Variants in MOSPD2 observed in about 807,000 individuals in gnomAD.
MOSPD2 encodes motile sperm domain-containing protein 2.
In MOSPD2, 5 loss-of-function variants were observed where a neutral mutation model predicts 41.7. The observed-to-expected ratio is 0.12, with a 90% CI of 0.06 to 0.25. The LOEUF (loss-of-function observed/expected upper bound fraction) is 0.25. Among genes scored for constraint, MOSPD2 ranks in the 10% least tolerant of loss-of-function variants. The pLI is 1.00. For synonymous variants in MOSPD2, 115 were observed against 126.9 expected (o/e 0.91, Z 0.63); for missense variants, 282 against 375.2 (o/e 0.75, Z 2.05).
intron 13 of MOSPD2, among the ~76,000 whole-genome samples, 158 bp from the exon 14 acceptor site, chrX:14,918,522 A>G (rs2092604060): frequency 8.9e-6 from 1 of 112,613 alleles, no homozygotes; most frequent in Admixed American, 9.4e-5. Context: ...GAAGATACAT[A>G]TACACAGAGC....
Position 14,882,247 on chromosome X carries a change from C to T in MOSPD2, c.79+8489C>T, listed in dbSNP as rs184817188. Reference sequence around the variant, plus strand: ...TAAACCAGGCCCAGAAAGACAAATACCACATGATCTCACATAAATGTTAAT... The same window carrying T: ...TAAACCAGGCCCAGAAAGACAAATATCACATGATCTCACATAAATGTTAAT... On this transcript the variant is annotated intron_variant, in intron 2 of 14. Transcript: ENST00000380492. Among the ~76,000 whole-genome samples, 6 of 111,237 alleles carry T rather than the reference C, an allele frequency of 5.4e-5. No individual in the cohort carries two copies. The East Asian group carries it at 1.7e-3, about 31-fold the overall frequency.
rs747613216 is a variant in MOSPD2, at chrX:14,893,011, C to T, written c.235+133C>T. 2.3e-4 allele frequency: 104 copies of T among 450,248 alleles called. No homozygotes were observed. The Admixed American group carries it at 4.0e-3, about 17-fold the overall frequency. 37.1% of individuals were successfully genotyped at this position (450,248 alleles called of 1,213,427 possible). A position where few individuals can be genotyped will look rare whatever the true frequency, so the allele number is the denominator to read the frequency against. On this transcript the variant is annotated intron_variant, in intron 3 of 14. Transcript: ENST00000380492. ...ACCAGAATATAATTATTTATAAAGA[C>T]CCAGTAATATTTTCAAAGGAACAGC...
At chrX:14,883,740 T>C (rs1423493708) in intron 2 of MOSPD2, among the ~76,000 whole-genome samples, 1 of 111,388 alleles carries the variant, frequency 9.0e-6, no homozygotes, top group Non-Finnish European at 1.9e-5. Context: ...CAGATAAAAA[T>C]GTGTAAGGAA....
chrX:14,916,078 A>G, intron 12 of MOSPD2, 119 bp from the exon 13 acceptor site: 4 of 1,095,598 alleles, frequency 3.7e-6, no homozygotes, highest in Non-Finnish European at 4.9e-6. Context: ...TTTTAAAGAC[A>G]TTTCCATTTT....
chrX:14,874,306 A>G (rs2092515008), intron 2 of MOSPD2: 1 of 114,037 alleles, frequency 8.8e-6, no homozygotes, highest in African/African-American at 3.2e-5. Flanking sequence ...GAATTGATTT[A>G]TTGGTTGAAC....
rs774291795 is a variant in MOSPD2, at chrX:14,905,492, C to CT, written c.577+2497dup. Among the ~76,000 whole-genome samples the CT allele has an allele frequency of 2.5e-3, 275 of 108,223 alleles. 2 individuals are homozygous for CT. Among genetic ancestry groups the CT allele is most frequent in the African/African-American group, 8.3e-3 (248 of 29,841 alleles). The allele number at this position is 108,223 out of a possible 115,157, so 94.0% of individuals were successfully genotyped here. A position where few individuals can be genotyped will look rare whatever the true frequency, so the allele number is the denominator to read the frequency against. ...AACTGACACACGTCTTCCTGTATAC[C>CT]TTTTTTTTTGTTTGTTTTTTGAGAT... On this transcript the variant is annotated intron_variant, in intron 7 of 14. Transcript: ENST00000380492.
At chrX:14,909,154 T>A (rs2092587349) in intron 8 of MOSPD2, among the ~76,000 whole-genome samples, 170 bp downstream of exon 8, 1 of 112,091 alleles carries the variant, frequency 8.9e-6, no homozygotes, top group African/African-American at 3.2e-5. Flanking sequence ...TAAAGTTAAT[T>A]TTTTATTTTT....
chrX:14,919,045 C>A (rs2092604940), intron 14 of MOSPD2, among the ~76,000 whole-genome samples: 1 of 110,746 alleles, frequency 9.0e-6, no homozygotes, highest in African/African-American at 3.3e-5. Flanking sequence ...TAGCGAGACC[C>A]TGTCTGTACA....
rs1040319037 is a variant in MOSPD2 at position 14,921,072 on chromosome X, A to G, written c.*1263A>G. 19 of 789,256 alleles carry G rather than the reference A, an allele frequency of 2.4e-5. No homozygotes were observed. Among genetic ancestry groups the G allele is most frequent in the Admixed American group, 7.9e-5 (1 of 12,581 alleles). The allele number at this position is 789,256 out of a possible 1,213,427, so 65.0% of individuals were successfully genotyped here. ...GATACACCTTGCAGTAGCAGAGGCA[A>G]TGACATGAGTTTGTTTTCTCATTAA... is the stretch of plus-strand genomic sequence containing the variant. On this transcript the variant is annotated 3_prime_UTR_variant, in exon 15 of 15. Transcript: ENST00000380492.
At chrX:14,907,087 G>T (rs992562465) in intron 7 of MOSPD2, among the ~76,000 whole-genome samples, 108 of 112,270 alleles carry the variant, frequency 9.6e-4, no homozygotes, top group African/African-American at 3.3e-3. Context: ...TTCTAAAGAA[G>T]ATAAACAAAT....
intron 5 of MOSPD2, among the ~76,000 whole-genome samples, chrX:14,898,825 T>A (rs1025004387): frequency 2.6e-4 from 29 of 111,845 alleles, no homozygotes; most frequent in Non-Finnish European, 5.3e-4. Flanking sequence ...ACTAAGTATT[T>A]AAGTCATTAT....
chrX:14,907,193 G>A (rs1453615707), intron 7 of MOSPD2, among the ~76,000 whole-genome samples: 2 of 112,341 alleles, frequency 1.8e-5, no homozygotes, highest in Non-Finnish European at 3.8e-5. Context: ...CTACTAGGGT[G>A]GCTAGAATAA....
chrX:14,920,259 A>G lies in MOSPD2; in HGVS notation c.*450A>G. 19 of 743,035 alleles carry G rather than the reference A, an allele frequency of 2.6e-5. No individual in the cohort carries two copies. Among genetic ancestry groups the G allele is most frequent in the Non-Finnish European group, 3.0e-5 (19 of 628,717 alleles). 61.2% of individuals were successfully genotyped at this position (743,035 alleles called of 1,213,427 possible). The stretch of plus-strand genomic sequence containing the variant: ...AGCTTTTCTATACTATGTATATAGA[A>G]GAACATGTATATTGAGAAAGAAAAC... On this transcript the variant is annotated 3_prime_UTR_variant, in exon 15 of 15. Coordinates refer to ENST00000380492, the MANE Select transcript of MOSPD2 (RefSeq NM_152581.4).
At chrX:14,904,276 A>G (rs572594127) in intron 7 of MOSPD2, among the ~76,000 whole-genome samples, 1 of 112,170 alleles carries the variant, frequency 8.9e-6, no homozygotes, top group East Asian at 2.8e-4. Flanking sequence ...AGCAGCATAT[A>G]AAAAGGATTA....
intron 2 of MOSPD2, chrX:14,885,272 A>T (rs2147481595): frequency 8.9e-6 from 1 of 111,980 alleles, no homozygotes; most frequent in Non-Finnish European, 1.9e-5. Context: ...CCCATACATT[A>T]TTAAGCAACT....
intron 2 of MOSPD2, among the ~76,000 whole-genome samples, chrX:14,881,022 A>G (rs1317393087): frequency 1.8e-5 from 2 of 111,033 alleles, no homozygotes; most frequent in Non-Finnish European, 3.8e-5. Context: ...CCCCAAATTC[A>G]CCACTCCCCC....
chrX:14,891,642 A>G (rs2092554121), intron 2 of MOSPD2, among the ~76,000 whole-genome samples: 1 of 107,560 alleles, frequency 9.3e-6, no homozygotes, highest in Admixed American at 1.0e-4. Context: ...ATCTCAGCTC[A>G]CTGCAACCTC....
Position 14,920,792 on chromosome X carries a change from A to G in MOSPD2, c.*983A>G, listed in dbSNP as rs1488117796. The G allele has an allele frequency of 6.6e-6, 5 of 752,102 alleles. No homozygotes were observed. The African/African-American group carries it at 1.2e-4, about 17-fold the overall frequency. The allele number at this position is 752,102 out of a possible 1,213,427, so 62.0% of individuals were successfully genotyped here. A position where few individuals can be genotyped will look rare whatever the true frequency, so the allele number is the denominator to read the frequency against. On this transcript the variant is annotated 3_prime_UTR_variant, in exon 15 of 15. Coordinates refer to ENST00000380492, the MANE Select transcript of MOSPD2 (RefSeq NM_152581.4). ...TTTGAGATGCTAAGCAGGATAATAA[A>G]TTTAGATTTTAAAATGTTCCCTGTA... is the stretch of plus-strand genomic sequence containing the variant.
chrX:14,919,184 C>G (rs758924290), intron 14 of MOSPD2, among the ~76,000 whole-genome samples: 4 of 111,491 alleles, frequency 3.6e-5, no homozygotes, highest in African/African-American at 1.3e-4. Context: ...CCAGCCTGGG[C>G]AACAGAACAA....
Sources: allele counts gnomAD v4.1 joint callset (sites outside exome capture counted in the v4.1 genomes callset), GRCh38; gene constraint gnomAD v4.1.1; transcripts MANE v1.5; gene names NCBI Gene and HGNC (gene_info 2026-07-23, HGNC 2026-07-21).